The following CALCR variants were observed in gnomAD, a reference collection of about 807,000 sequenced individuals.
The protein encoded by CALCR is calcitonin receptor.
A neutral mutation model predicts 59.5 loss-of-function variants in CALCR; 47 were observed. That is an observed-to-expected ratio of 0.79 (90% CI 0.63 to 1.01). The LOEUF (loss-of-function observed/expected upper bound fraction) is 1.01. CALCR is among the 50% of genes least tolerant of loss of function. The pLI is 0.00. For synonymous variants in CALCR, 213 were observed against 211.3 expected (o/e 1.01, Z -0.07); for missense variants, 566 against 597.1 (o/e 0.95, Z 0.54).
intron 6 of CALCR, among the ~76,000 whole-genome samples, chr7:93,469,665 T>C (rs1800513228): frequency 6.6e-6 from 1 of 151,820 alleles, no homozygotes; most frequent in Non-Finnish European, 1.5e-5. Flanking sequence ...GTAATTGAAG[T>C]AGACTTGAAT....
At chr7:93,531,541 A>G (rs1788838371) in intron 2 of CALCR, among the ~76,000 whole-genome samples, 1 of 152,138 alleles carries the variant, frequency 6.6e-6, no homozygotes. Flanking sequence ...CTAGAGAGCT[A>G]ACATGGAATA....
chr7:93,535,415 C>T (rs1189185288), intron 2 of CALCR, among the ~76,000 whole-genome samples: 1 of 151,670 alleles, frequency 6.6e-6, no homozygotes, highest in Admixed American at 6.6e-5. Context: ...GTACATGGGC[C>T]TGTCTTGCTT....
At chr7:93,454,283 C>T (rs1394628755) in intron 8 of CALCR, among the ~76,000 whole-genome samples, 2 of 151,948 alleles carry the variant, frequency 1.3e-5, no homozygotes, top group Non-Finnish European at 2.9e-5. Flanking sequence ...TCCTACACAG[C>T]CTGGTGGCTC....
chr7:93,570,807 A>G (rs556792210), intron 2 of CALCR, among the ~76,000 whole-genome samples: 1 of 152,122 alleles, frequency 6.6e-6, no homozygotes, highest in East Asian at 1.9e-4. Context: ...CCTGTGATCC[A>G]CTCTTTCTTC....
chr7:93,488,446 A>G (rs558817913), intron 2 of CALCR, among the ~76,000 whole-genome samples: 1 of 151,904 alleles, frequency 6.6e-6, no homozygotes, highest in African/African-American at 2.4e-5. Flanking sequence ...GCCCCAATTA[A>G]AAGACACAGA....
chr7:93,491,568 C>T (rs1259316008), intron 2 of CALCR, among the ~76,000 whole-genome samples: 1 of 151,794 alleles, frequency 6.6e-6, no homozygotes, highest in Non-Finnish European at 1.5e-5. Flanking sequence ...AAGAAGAAAG[C>T]AAACAACCCC....
intron 5 of CALCR, 151 bp downstream of exon 5, chr7:93,477,407 A>G: frequency 1.9e-6 from 1 of 537,456 alleles, no homozygotes; most frequent in South Asian, 2.5e-5. Context: ...TTGTACAACT[A>G]AGAAGTATTT....
intron 2 of CALCR, among the ~76,000 whole-genome samples, chr7:93,503,407 A>AACAC (rs112593093): frequency 0.09 from 13,547 of 150,904 alleles, 1,184 homozygotes; most frequent in East Asian, 0.28. Flanking sequence ...AATAATTAGA[A>AACAC]ACACACACAC....
intron 2 of CALCR, among the ~76,000 whole-genome samples, chr7:93,503,513 G>A (rs1801365724): frequency 6.6e-6 from 1 of 152,046 alleles, no homozygotes; most frequent in Admixed American, 6.6e-5. Context: ...CAGATGGTGG[G>A]ATTGAAAGTG....
intron 2 of CALCR, among the ~76,000 whole-genome samples, chr7:93,530,232 T>G (rs1788796395): frequency 6.6e-6 from 1 of 152,166 alleles, no homozygotes; most frequent in Admixed American, 6.6e-5. Flanking sequence ...TCAGAAGTTG[T>G]GATTTTTTTG....
At chr7:93,550,310 T>C (rs1188556582) in intron 2 of CALCR, among the ~76,000 whole-genome samples, 1 of 151,386 alleles carries the variant, frequency 6.6e-6, no homozygotes, top group Non-Finnish European at 1.5e-5. Context: ...GCCAACATGG[T>C]GAAATCCCGT....
intron 7 of CALCR, chr7:93,461,945 G>T: frequency 1.5e-6 from 1 of 657,140 alleles, no homozygotes; most frequent in South Asian, 1.8e-5. Context: ...ACATGCCAAT[G>T]ACTCATAACA....
In CALCR at chr7:93,554,769, G is replaced by GTATATATATATATA. The variant is rs55879216; in HGVS notation, c.-27+19506_-27+19519dup. 4.6e-3 allele frequency among the ~76,000 whole-genome samples: 536 copies of GTATATATATATATA among 117,184 alleles called. 44 individuals are homozygous for GTATATATATATATA. The highest frequency in any genetic ancestry group is 0.021 in the African/African-American group (467 of 22,514). 76.9% of individuals were successfully genotyped at this position (117,184 alleles called of 152,430 possible). ...ATAGATGTTCAAATTGCCAGGCCAT[G>GTATATATATATATA]TATATATATATATATATATATATTA... On this transcript the variant is annotated intron_variant, in intron 2 of 13. Transcript: ENST00000426151.
intron 2 of CALCR, among the ~76,000 whole-genome samples, chr7:93,561,539 A>G (rs1408857563): frequency 6.6e-6 from 1 of 152,196 alleles, no homozygotes; most frequent in African/African-American, 2.4e-5. Flanking sequence ...ATTGTTAATT[A>G]AAAGAGTTTA....
chr7:93,480,827 G>A (rs908853449), intron 3 of CALCR, among the ~76,000 whole-genome samples: 2 of 151,758 alleles, frequency 1.3e-5, no homozygotes, highest in Non-Finnish European at 2.9e-5. Flanking sequence ...AGGGGGGGTC[G>A]AGAAGCCTTT....
intron 2 of CALCR, among the ~76,000 whole-genome samples, chr7:93,497,301 G>A (rs1207744338): frequency 6.6e-6 from 1 of 151,582 alleles, no homozygotes; most frequent in Non-Finnish European, 1.5e-5. Context: ...CTCTTATTGA[G>A]CACATTGAGC....
At chr7:93,521,224 GT>G (rs1469996120) in intron 2 of CALCR, among the ~76,000 whole-genome samples, 2 of 152,102 alleles carry the variant, frequency 1.3e-5, no homozygotes, top group African/African-American at 2.4e-5. Flanking sequence ...TAAGGCTAAA[GT>G]TGGGGCCAGC....
At chr7:93,454,776 T>C (rs190053125) in intron 8 of CALCR, among the ~76,000 whole-genome samples, 33 of 151,826 alleles carry the variant, frequency 2.2e-4, no homozygotes, top group Admixed American at 1.2e-3. Context: ...AAAAAGAACA[T>C]GGAAGGAATA....
Position 93,477,984 on chromosome 7 carries a change from A to AAAAAAAT in CALCR, c.206-317_206-316insATTTTTT, listed in dbSNP as rs1800705624. Among the ~76,000 whole-genome samples, 4 of 149,580 alleles carry AAAAAAAT rather than the reference A, an allele frequency of 2.7e-5. 1 individual carries two copies. The highest frequency in any genetic ancestry group is 9.8e-5 in the African/African-American group (4 of 40,860). ...CTCAAAAAAAAAAAAAAAAAAAAAA[A>AAAAAAAT]AAAAAAAAAAATTCTACCTAAAACC... On this transcript the variant is annotated intron_variant, in intron 4 of 13. Coordinates refer to ENST00000426151, the MANE Select transcript of CALCR (RefSeq NM_001742.4).
Sources: gnomAD v4.1 joint callset for allele counts (sites outside exome capture counted in the v4.1 genomes callset) on GRCh38, gnomAD v4.1.1 for gene constraint, MANE v1.5 for transcripts, NCBI Gene and HGNC (gene_info 2026-07-23, HGNC 2026-07-21) for gene names.